CTNNA3: variants seen among roughly 807,000 people sequenced by gnomAD.
CTNNA3 encodes catenin alpha 3.
A neutral mutation model predicts 95.7 loss-of-function variants in CTNNA3; 76 were observed. The ratio of observed to expected loss-of-function variants is 0.79; its 90% CI spans 0.66 to 0.96. The LOEUF (loss-of-function observed/expected upper bound fraction) is 0.96, where lower values mean the gene tolerates loss of function less well. Ranked by LOEUF, CTNNA3 falls within the 40% of genes least tolerant of loss-of-function variation. CTNNA3 has a pLI of 0.00. For synonymous variants in CTNNA3, 431 were observed against 374.4 expected, an observed-to-expected ratio of 1.15 and a Z score of -1.74; for missense variants, 1,191 against 1,089.8, an observed-to-expected ratio of 1.09 and a Z score of -1.31.
At chr10:67,415,482 G>A (rs1291164655) in intron 5 of CTNNA3, among the ~76,000 whole-genome samples, 4 of 152,048 alleles carry the variant, frequency 2.6e-5, no homozygotes, top group Admixed American at 6.5e-5. Flanking sequence ...CAAAACATTG[G>A]TGAAAGAAAT....
intron 16 of CTNNA3, among the ~76,000 whole-genome samples, chr10:65,976,699 T>C (rs1262564890): frequency 6.6e-6 from 1 of 152,174 alleles, no homozygotes. Context: ...TTTTGCTCAC[T>C]TAGAAGCAGA....
chr10:67,101,867 T>C (rs1858366257), intron 7 of CTNNA3, among the ~76,000 whole-genome samples: 2 of 151,736 alleles, frequency 1.3e-5, no homozygotes, highest in Admixed American at 6.6e-5. Flanking sequence ...AAATAAGAAA[T>C]TGAATTCATG....
At chr10:67,153,839 T>TC (rs1861186058) in intron 7 of CTNNA3, among the ~76,000 whole-genome samples, 1 of 152,166 alleles carries the variant, frequency 6.6e-6, no homozygotes, top group African/African-American at 2.4e-5. Context: ...TTCCTTTTTT[T>TC]CATAGGTACA....
At chr10:66,613,135 C>A (rs1844385239) in intron 10 of CTNNA3, among the ~76,000 whole-genome samples, 1 of 152,028 alleles carries the variant, frequency 6.6e-6, no homozygotes, top group Non-Finnish European at 1.5e-5. Context: ...AGATTCTTGC[C>A]TTGGCCTGCA....
intron 11 of CTNNA3, among the ~76,000 whole-genome samples, chr10:66,388,460 T>G (rs1361247202): frequency 1.3e-5 from 2 of 152,134 alleles, no homozygotes; most frequent in African/African-American, 4.8e-5. Context: ...ATGATCTATA[T>G]GCCCATGAAT....
At chr10:66,389,615 C>T (rs992553097) in intron 11 of CTNNA3, among the ~76,000 whole-genome samples, 1 of 152,042 alleles carries the variant, frequency 6.6e-6, no homozygotes, top group Non-Finnish European at 1.5e-5. Flanking sequence ...GCTTCTCTGG[C>T]TAACTCCATC....
At chr10:67,614,873 AT>A (rs1296160851) in intron 2 of CTNNA3, among the ~76,000 whole-genome samples, 9 of 152,312 alleles carry the variant, frequency 5.9e-5, no homozygotes, top group South Asian at 2.1e-4. Flanking sequence ...TGGCTATCAG[AT>A]GGCTGTCCTC....
chr10:66,240,921 C>T lies in CTNNA3; in HGVS notation c.1884+39549G>A, dbSNP rs373866305. ...CTGTGATTTACAAAAGAAAAGAAAC[C>T]GTTTAGTCAAGGAGAAAATAACAAG... On this transcript the variant is annotated intron_variant, in intron 13 of 17. Transcript: ENST00000433211. Among the ~76,000 whole-genome samples the T allele has an allele frequency of 2.2e-4, 34 of 151,942 alleles. No homozygotes were observed. The East Asian group carries it at 4.6e-3, about 21-fold the overall frequency.
At chr10:67,404,730 C>T (rs1019365080) in intron 5 of CTNNA3, among the ~76,000 whole-genome samples, 1 of 151,996 alleles carries the variant, frequency 6.6e-6, no homozygotes, top group Non-Finnish European at 1.5e-5. Context: ...ACTTACTCCA[C>T]AAGAAGATCG....
intron 12 of CTNNA3, among the ~76,000 whole-genome samples, chr10:66,305,715 G>C (rs1158794933): frequency 6.6e-6 from 1 of 152,152 alleles, no homozygotes; most frequent in Admixed American, 6.5e-5. Context: ...AGGTTATAGA[G>C]CAATTATCAA....
intron 9 of CTNNA3, among the ~76,000 whole-genome samples, chr10:66,741,749 C>T (rs4284307): frequency 0.59 from 89,107 of 151,942 alleles, 26,494 homozygotes; most frequent in East Asian, 0.74. Flanking sequence ...CCCAAATTAA[C>T]ACTTTTATAA....
chr10:67,146,607 T>G (rs1054262443), intron 7 of CTNNA3, among the ~76,000 whole-genome samples: 2 of 152,212 alleles, frequency 1.3e-5, no homozygotes, highest in Admixed American at 1.3e-4. Flanking sequence ...TAACGTTCAT[T>G]CTGTATAAAG....
chr10:66,497,025 C>T (rs1485565443), intron 11 of CTNNA3, among the ~76,000 whole-genome samples: 1 of 152,032 alleles, frequency 6.6e-6, no homozygotes, highest in Non-Finnish European at 1.5e-5. Context: ...CCTCTTCTTG[C>T]AAGGACATCA....
chr10:67,279,195 C>G (rs1839300356), intron 5 of CTNNA3, among the ~76,000 whole-genome samples: 1 of 152,070 alleles, frequency 6.6e-6, no homozygotes, highest in Non-Finnish European at 1.5e-5. Flanking sequence ...CAACACCAAG[C>G]CCTCAAAAGA....
intron 15 of CTNNA3, among the ~76,000 whole-genome samples, chr10:66,029,871 T>C (rs1221362231): frequency 1.3e-5 from 2 of 152,132 alleles, no homozygotes; most frequent in African/African-American, 4.8e-5. Context: ...ACTGGAATTA[T>C]AAAAAAGAAA....
intron 13 of CTNNA3, among the ~76,000 whole-genome samples, chr10:66,144,435 C>T (rs1418214013): frequency 1.3e-5 from 2 of 151,836 alleles, no homozygotes; most frequent in Non-Finnish European, 2.9e-5. Context: ...TATTTGTAGC[C>T]TCGACCATCT....
At chr10:66,375,229 G>GAAA (rs541587849) in intron 12 of CTNNA3, among the ~76,000 whole-genome samples, 1 of 110,028 alleles carries the variant, frequency 9.1e-6, no homozygotes, top group Non-Finnish European at 1.9e-5. Context: ...GCCCACATCA[G>GAAA]AAAAAAAAAA....
chr10:66,059,471 C>T lies in CTNNA3; in HGVS notation c.2159+9837G>A, dbSNP rs150169988. On this transcript the variant is annotated intron_variant, in intron 15 of 17. Coordinates refer to ENST00000433211, the MANE Select transcript of CTNNA3 (RefSeq NM_013266.4). ...AAATCTTTACTTTCCCTATTTATAT[C>T]TCAGCTCCTAGCAACATTCTGCATT... is the stretch of plus-strand genomic sequence containing the variant. 6.9e-4 allele frequency among the ~76,000 whole-genome samples: 105 copies of T among 152,186 alleles called. 1 individual carries two copies. Among genetic ancestry groups the T allele is most frequent in the African/African-American group, 2.4e-3 (99 of 41,552 alleles).
At chr10:67,348,813 T>C (rs1384070193) in intron 5 of CTNNA3, among the ~76,000 whole-genome samples, 2 of 152,068 alleles carry the variant, frequency 1.3e-5, no homozygotes, top group Non-Finnish European at 2.9e-5. Context: ...ATCCAAACCA[T>C]ATCACCATAT....
Sources: allele counts gnomAD v4.1 joint callset (sites outside exome capture counted in the v4.1 genomes callset), GRCh38; gene constraint gnomAD v4.1.1; transcripts MANE v1.5; gene names NCBI Gene and HGNC (gene_info 2026-07-23, HGNC 2026-07-21).